Variants in MACF1 observed in about 807,000 individuals in gnomAD.
MACF1 encodes the protein microtubule-actin cross-linking factor 1.
In MACF1, 193 loss-of-function variants were observed where a neutral mutation model predicts 854.8. The observed-to-expected ratio is 0.23, with a 90% CI of 0.20 to 0.25. The LOEUF (loss-of-function observed/expected upper bound fraction) is 0.25. Among genes scored for constraint, MACF1 ranks in the 10% least tolerant of loss-of-function variants. The pLI is 1.00. For missense variants in MACF1, 7,722 were observed against 8,929.1 expected, an observed-to-expected ratio of 0.86 and a Z score of 5.45; for synonymous variants, 3,185 against 3,226.7, an observed-to-expected ratio of 0.99 and a Z score of 0.44.
chr1:39,340,221 C>T (rs888080634), intron 38 of MACF1, among the ~76,000 whole-genome samples: 1 of 152,148 alleles, frequency 6.6e-6, no homozygotes, highest in African/African-American at 2.4e-5. Context: ...AATCCAAGTC[C>T]TGGCTGTACT....
rs1440505072 is a variant in MACF1, at chr1:39,333,891, G to C, written c.7303G>C (p.Asp2435His). 1 of 1,614,022 alleles carries C rather than the reference G, an allele frequency of 6.2e-7. No individual in the cohort carries two copies. The highest frequency in any genetic ancestry group is 1.3e-5 in the African/African-American group (1 of 74,936). ...AACTCTTGGCTTGGTGGACGTTGCT[G>C]ACCAGCCAGAACTTATAAATCTGGA... ...ASTLGLVDVADQPELINLEKA... is the reference protein window; with the variant it reads ...ASTLGLVDVAHQPELINLEKA... Residue 2435 changes from aspartate to histidine, a missense_variant, in exon 37 of 101, where the codon GAC (aspartate) becomes CAC (histidine). Asp to His is a moderately conservative substitution (Grantham distance 81). This residue lies in a region of MACF1 where 1,531 missense variants were observed against 1,601.6 expected (regional missense o/e 0.96). Coordinates refer to ENST00000564288, the MANE Select transcript of MACF1 (RefSeq NM_001394062.1).
In MACF1 at chr1:39,428,124, G is replaced by A. The variant is rs1643782635; in HGVS notation, c.16640G>A (p.Arg5547Gln). 7 of 1,614,150 alleles carry A rather than the reference G, an allele frequency of 4.3e-6. No homozygotes were observed. The highest frequency in any genetic ancestry group is 5.9e-6 in the Non-Finnish European group (7 of 1,180,028). ...AGTGAAATTCAAGACCGCTGTTGTC[G>A]GAAGGCAGCCCTACTTGACCAAGCT... ...RYSEIQDRCC[R>Q]KAALLDQALS... The change falls in exon 63 of 101, where the codon CGG becomes CAG. Residue 5547 changes from arginine (R) to glutamine (Q), a missense_variant. Arg to Gln is a conservative substitution (Grantham distance 43). This residue lies in a region of MACF1 where 2,807 missense variants were observed against 3,235.8 expected (regional missense o/e 0.87). Coordinates refer to ENST00000564288, the MANE Select transcript of MACF1 (RefSeq NM_001394062.1).
intron 2 of MACF1, among the ~76,000 whole-genome samples, chr1:39,189,681 A>G (rs1003473786): frequency 2.0e-5 from 3 of 152,110 alleles, no homozygotes; most frequent in Non-Finnish European, 4.4e-5. Flanking sequence ...TTTCTTATCT[A>G]TGGAAGCCTT....
intron 58 of MACF1, among the ~76,000 whole-genome samples, chr1:39,419,797 T>TTGTGTGTGTGTG (rs1251258300): frequency 2.4e-5 from 2 of 82,854 alleles, no homozygotes; most frequent in East Asian, 3.7e-4. Context: ...CATGCCTGGC[T>TTGTGTGTGTGTG]AGTGTGTGTG....
intron 15 of MACF1, among the ~76,000 whole-genome samples, chr1:39,290,584 A>G (rs1275096847): frequency 3.0e-5 from 3 of 101,608 alleles, no homozygotes; most frequent in East Asian, 2.9e-4. Context: ...TGTATTTTTT[A>G]TAGGGTAAAT....
intron 70 of MACF1, chr1:39,436,118 T>A (rs1643968775): frequency 2.5e-6 from 1 of 400,002 alleles, no homozygotes; most frequent in African/African-American, 2.1e-5. Flanking sequence ...ACTTTTTTGC[T>A]TTAGAGCAAC....
At chr1:39,234,904 G>A (rs1166852390) in intron 2 of MACF1, among the ~76,000 whole-genome samples, 2 of 145,378 alleles carry the variant, frequency 1.4e-5, no homozygotes, top group South Asian at 2.4e-4. Context: ...CATCTCAGAC[G>A]ATAGGCGGCC....
intron 95 of MACF1, among the ~76,000 whole-genome samples, chr1:39,465,674 G>A (rs1644653078): frequency 6.6e-6 from 1 of 152,160 alleles, no homozygotes; most frequent in Non-Finnish European, 1.5e-5. Context: ...AAAAAAGATT[G>A]GATGCTTTGA....
chr1:39,469,978 A>G lies in MACF1; in HGVS notation c.21958+363A>G, dbSNP rs186827292. ...GAAAACGTAAATAATTTGCCCAAAG[A>G]CAAACAACTAGTAAATGGCAGAGAT... On this transcript the variant is annotated intron_variant, in intron 97 of 100. Coordinates refer to ENST00000564288, the MANE Select transcript of MACF1 (RefSeq NM_001394062.1). Among the ~76,000 whole-genome samples, 181 of 152,350 alleles carry G rather than the reference A, an allele frequency of 1.2e-3. 1 individual carries two copies. Among genetic ancestry groups the G allele is most frequent in the African/African-American group, 4.3e-3 (179 of 41,566 alleles).
chr1:39,251,988 C>G, intron 4 of MACF1, 47 bp downstream of exon 4: 7 of 1,326,664 alleles, frequency 5.3e-6, no homozygotes, highest in Non-Finnish European at 7.0e-6. Context: ...ACTGCTGGCA[C>G]TGCAGGGCCA....
Position 39,285,664 on chromosome 1 carries a change from A to C in MACF1, c.1414A>C (p.Ile472Leu). 6.2e-7 allele frequency: 1 copy of C among 1,614,048 alleles called. No homozygotes were observed. Among genetic ancestry groups the C allele is most frequent in the Non-Finnish European group, 8.5e-7 (1 of 1,179,968 alleles). The change falls in exon 14 of 101, where the codon ATT becomes CTT. Residue 472 changes from isoleucine to leucine, a missense_variant. Ile to Leu is a conservative substitution (Grantham distance 5). This residue lies in a region of MACF1 where 1,137 missense variants were observed against 1,263.0 expected (regional missense o/e 0.90). Transcript: ENST00000564288. The part of the protein sequence containing the change: ...VQCESDVIMY[I>L]QECEGLIRQL... ...ATGTGAGTCAGATGTCATTATGTAC[A>C]TTCAGGAGTGTGAAGGTCTCATCAG...
At position 39,460,095 on chromosome 1, in the gene MACF1, C is replaced by T. The variant is rs913001009; in HGVS notation, c.21361-537C>T. On this transcript the variant is annotated intron_variant, in intron 91 of 100. Transcript: ENST00000564288. This position sits in a 1 kb window ranked among gnomAD's most constrained non-coding sequence, Gnocchi z 4.1. ...ATGGAGGTCAGATGGGCAATTTGCTCTCTGGTGCCATTCCAAAGAAACATG... is the reference window on the plus strand; with the variant it reads ...ATGGAGGTCAGATGGGCAATTTGCTTTCTGGTGCCATTCCAAAGAAACATG... 6.6e-6 allele frequency among the ~76,000 whole-genome samples: 1 copy of T among 152,218 alleles called. No individual in the cohort carries two copies. The highest frequency in any genetic ancestry group is 1.9e-4 in the East Asian group (1 of 5,204).
intron 58 of MACF1, chr1:39,414,454 A>T (rs770780280): frequency 2.5e-5 from 41 of 1,613,910 alleles, no homozygotes. Context: ...TCTGGCTGCA[A>T]CCGCTGGATT....
At chr1:39,377,416 T>G (rs534218588) in intron 52 of MACF1, among the ~76,000 whole-genome samples, 157 of 152,346 alleles carry the variant, frequency 1.0e-3, no homozygotes, top group Non-Finnish European at 1.9e-3. Flanking sequence ...ATTTTTCAGA[T>G]TTCTGTATAA....
At chr1:39,123,966 C>T (rs1280362663) in intron 2 of MACF1, among the ~76,000 whole-genome samples, 1 of 151,764 alleles carries the variant, frequency 6.6e-6, no homozygotes, top group Non-Finnish European at 1.5e-5. Context: ...TGGTCTCAAA[C>T]TCCTGACCTC....
chr1:39,186,946 A>T (rs1644181563), intron 2 of MACF1, among the ~76,000 whole-genome samples: 4 of 149,880 alleles, frequency 2.7e-5, no homozygotes, highest in Admixed American at 2.7e-4. Context: ...ACACACAAAC[A>T]GCCAGAATAT....
chr1:39,357,132 A>G (rs1244193879), intron 44 of MACF1, among the ~76,000 whole-genome samples: 3 of 152,226 alleles, frequency 2.0e-5, no homozygotes, highest in Admixed American at 6.5e-5. Context: ...AAGAGTCAGC[A>G]TCTAAATTAA....
At position 39,333,094 on chromosome 1, in the gene MACF1, C is replaced by T. The variant is rs1452596057; in HGVS notation, c.6506C>T (p.Thr2169Ile). The T allele has an allele frequency of 4.3e-6, 7 of 1,614,012 alleles. No individual in the cohort carries two copies. The highest frequency in any genetic ancestry group is 5.9e-6 in the Non-Finnish European group (7 of 1,180,028). Residue 2169 changes from threonine to isoleucine, a missense_variant, in exon 37 of 101, where the codon ACA becomes ATA. This residue lies in a region of MACF1 where 1,531 missense variants were observed against 1,601.6 expected (regional missense o/e 0.96). Transcript: ENST00000564288. ...CAACCTCTAAGAAACACTTCCTTTA[C>T]ATGTCAGAATGAACAAGCACACACT... Reference protein sequence around the residue: ...EHQPLRNTSFTCQNEQAHTLE... With the variant: ...EHQPLRNTSFICQNEQAHTLE...
intron 3 of MACF1, among the ~76,000 whole-genome samples, chr1:39,251,299 C>CT (rs1246326906): frequency 6.6e-6 from 1 of 152,094 alleles, no homozygotes; most frequent in African/African-American, 2.4e-5. Context: ...GTTTATAAGT[C>CT]TAATAAGTAA....
Sources: allele counts gnomAD v4.1 joint callset (sites outside exome capture counted in the v4.1 genomes callset), GRCh38; gene constraint gnomAD v4.1.1; regional missense constraint gnomAD v4.1.1; non-coding constraint Gnocchi (gnomAD v3.1); transcripts MANE v1.5; gene names NCBI Gene and HGNC (gene_info 2026-07-23, HGNC 2026-07-21).